The following SNX6 variants were observed in gnomAD, a reference collection of about 807,000 sequenced individuals.
The protein encoded by SNX6 is sorting nexin 6.
In SNX6, 34 loss-of-function variants were observed where a neutral mutation model predicts 63.0. The observed-to-expected ratio is 0.54, with a 90% CI of 0.41 to 0.72. The LOEUF (loss-of-function observed/expected upper bound fraction) is 0.72, where lower values mean the gene tolerates loss of function less well. SNX6 is among the 30% of genes least tolerant of loss of function. The pLI is 0.00. For missense variants in SNX6, 398 were observed against 471.4 expected (o/e 0.84, Z 1.44); for synonymous variants, 170 against 164.2 (o/e 1.04, Z -0.27).
At chr14:34,568,593 T>G (rs1400421947) in intron 11 of SNX6, 3 of 620,418 alleles carry the variant, frequency 4.8e-6, no homozygotes, top group Non-Finnish European at 8.8e-6. Flanking sequence ...TATTTCAGCC[T>G]GCTAAAGTGG....
At chr14:34,612,694 A>G (rs1213863641) in intron 2 of SNX6, among the ~76,000 whole-genome samples, 2 of 151,846 alleles carry the variant, frequency 1.3e-5, no homozygotes, top group South Asian at 4.2e-4. Context: ...TCAGCCTCCC[A>G]AAGTGTTGGG....
intron 8 of SNX6, 62 bp downstream of exon 8, chr14:34,592,983 T>C (rs1882457333): frequency 2.5e-6 from 3 of 1,188,878 alleles, no homozygotes; most frequent in Non-Finnish European, 3.6e-6. Flanking sequence ...TTTCAAACTA[T>C]AATATGAACT....
chr14:34,591,658 T>C (rs865882114), intron 8 of SNX6, among the ~76,000 whole-genome samples: 1 of 152,192 alleles, frequency 6.6e-6, no homozygotes, highest in Non-Finnish European at 1.5e-5. Context: ...CAGTATCTAT[T>C]GGGAAGTAAG....
rs757676452 is a variant in SNX6 at position 34,567,675 on chromosome 14, T to C, written c.1167+11A>G. ...GTAACTTAAATTATTAAATCTTTAT[T>C]ACAACACTACCTTTGCATGCTTCAG... On this transcript the variant is annotated intron_variant, in intron 13 of 13. Transcript: ENST00000362031. 5.0e-6 allele frequency: 8 copies of C among 1,600,584 alleles called. 1 individual carries two copies. Among genetic ancestry groups the C allele is most frequent in the South Asian group, 2.2e-5 (2 of 90,400 alleles).
Position 34,586,236 on chromosome 14 carries a change from A to G in SNX6, c.788T>C (p.Ile263Thr), listed in dbSNP as rs766087482. 2.2e-5 allele frequency: 35 copies of G among 1,594,806 alleles called. No homozygotes were observed. The highest frequency in any genetic ancestry group is 5.5e-5 in the South Asian group (5 of 90,506). Reference protein sequence around the residue: ...YALGTQDSTDICKFFLKVSEL... With the variant: ...YALGTQDSTDTCKFFLKVSEL... The stretch of plus-strand genomic sequence containing the variant: ...TTTAAATTAGAACACTTACTTGCAT[A>G]TATCTGTAGAATCCTGAGTTCCTAA... The change falls in exon 9 of 14, where the codon ATA becomes ACA. Residue 263 changes from isoleucine (I) to threonine (T), a missense_variant. By Grantham distance (89) the Ile-to-Thr change is moderately conservative. Coordinates refer to ENST00000362031, the MANE Select transcript of SNX6 (RefSeq NM_152233.4).
At position 34,567,903 on chromosome 14, in the gene SNX6, T is replaced by C. The variant is rs146496878; in HGVS notation, c.1032A>G (p.Gln344=). The C allele has an allele frequency of 5.0e-6, 8 of 1,613,974 alleles. No individual in the cohort carries two copies. Among genetic ancestry groups the C allele is most frequent in the Non-Finnish European group, 8.5e-7 (1 of 1,180,048 alleles). The part of the protein sequence containing the change: ...NKDVLQAETS[Q]QLCCQKFEKI... ...TTTCAAATTTCTGACAACATAATTGTTGGGAAGTTTCGGCCTGTAGAACAT... is the reference window on the plus strand; with the variant it reads ...TTTCAAATTTCTGACAACATAATTGCTGGGAAGTTTCGGCCTGTAGAACAT... The change falls in exon 12 of 14, where the codon CAA becomes CAG. Residue 344 remains glutamine (Q), a synonymous_variant. Coordinates refer to ENST00000362031, the MANE Select transcript of SNX6 (RefSeq NM_152233.4).
chr14:34,629,685 G>T, intron 2 of SNX6: 1 of 762,774 alleles, frequency 1.3e-6, no homozygotes, highest in Non-Finnish European at 2.2e-6. Flanking sequence ...ACAGCGGCGG[G>T]GGACAAGAAA....
rs1174380147 is a variant in SNX6 at position 34,630,121 on chromosome 14, G to A, written c.-5C>T. The stretch of plus-strand genomic sequence containing the variant: ...GCGGAGAACACCCACCATCATGGCT[G>A]CTCCGAGGCGAGGGCCGGCGCAGGC... On this transcript the variant is annotated 5_prime_UTR_variant, in exon 1 of 14. Coordinates refer to ENST00000362031, the MANE Select transcript of SNX6 (RefSeq NM_152233.4). 1.6e-5 allele frequency: 21 copies of A among 1,354,018 alleles called. No homozygotes were observed. Among genetic ancestry groups the A allele is most frequent in the Non-Finnish European group, 2.0e-5 (21 of 1,059,250 alleles). The allele number at this position is 1,354,018 out of a possible 1,614,324, so 83.9% of individuals were successfully genotyped here. A position where few individuals can be genotyped will look rare whatever the true frequency, so the allele number is the denominator to read the frequency against.
chr14:34,565,395 GA>G (rs1192114611), intron 13 of SNX6, among the ~76,000 whole-genome samples: 13 of 146,856 alleles, frequency 8.9e-5, no homozygotes, highest in South Asian at 2.1e-4. Context: ...CTACCTTAAA[GA>G]AAAAAAAAAC....
intron 8 of SNX6, 135 bp from the exon 9 acceptor site, chr14:34,586,440 C>CCA: frequency 2.2e-6 from 1 of 454,412 alleles, no homozygotes; most frequent in Non-Finnish European, 4.0e-6. Flanking sequence ...GGCATGGTGG[C>CCA]TCATGCCTGT....
At chr14:34,589,979 G>T (rs543190743) in intron 8 of SNX6, among the ~76,000 whole-genome samples, 1 of 152,088 alleles carries the variant, frequency 6.6e-6, no homozygotes, top group African/African-American at 2.4e-5. Flanking sequence ...AATTAGCCAC[G>T]CATGGTGGCG....
chr14:34,613,038 A>G (rs1883290020), intron 2 of SNX6, among the ~76,000 whole-genome samples: 1 of 99,930 alleles, frequency 1.0e-5, no homozygotes. Flanking sequence ...GTGAGACTCT[A>G]TCCAAAAAAA....
At chr14:34,581,837 T>C (rs557028885) in intron 9 of SNX6, among the ~76,000 whole-genome samples, 1 of 141,950 alleles carries the variant, frequency 7.0e-6, no homozygotes, top group East Asian at 1.9e-4. Flanking sequence ...TTGATTTTTG[T>C]TTTTTTTTGC....
At chr14:34,587,397 G>A (rs1882212966) in intron 8 of SNX6, among the ~76,000 whole-genome samples, 1 of 151,704 alleles carries the variant, frequency 6.6e-6, no homozygotes, top group African/African-American at 2.4e-5. Flanking sequence ...GCCGAGTGTG[G>A]TGGCAGGCAC....
chr14:34,564,885 A>C (rs1206546441), intron 13 of SNX6, among the ~76,000 whole-genome samples: 1 of 151,914 alleles, frequency 6.6e-6, no homozygotes, highest in Non-Finnish European at 1.5e-5. Flanking sequence ...CAATCTCTAG[A>C]AGGACTCAGC....
At chr14:34,568,803 C>T in intron 11 of SNX6, 1 of 1,007,216 alleles carries the variant, frequency 9.9e-7, no homozygotes, top group South Asian at 1.3e-5. Context: ...TTTTTAGCCC[C>T]TCCAGGGCTT....
intron 2 of SNX6, among the ~76,000 whole-genome samples, chr14:34,610,474 T>C (rs1375905677): frequency 1.3e-5 from 2 of 149,928 alleles, no homozygotes; most frequent in African/African-American, 4.9e-5. Flanking sequence ...TGAAGCACAA[T>C]AATAAGAAGA....
At chr14:34,602,732 T>C (rs979996254) in intron 6 of SNX6, among the ~76,000 whole-genome samples, 4 of 152,008 alleles carry the variant, frequency 2.6e-5, no homozygotes, top group African/African-American at 7.2e-5. Flanking sequence ...ATCCCAGCAC[T>C]TTGGGAGGCT....
chr14:34,626,490 TAA>T (rs61026659), intron 2 of SNX6, among the ~76,000 whole-genome samples: 14 of 130,838 alleles, frequency 1.1e-4, no homozygotes, highest in Admixed American at 2.4e-4. Flanking sequence ...CCGCCTCTAC[TAA>T]AAAAAAAAAA....
Sources: gnomAD v4.1 joint callset for allele counts (sites outside exome capture counted in the v4.1 genomes callset) on GRCh38, gnomAD v4.1.1 for gene constraint, MANE v1.5 for transcripts, NCBI Gene and HGNC (gene_info 2026-07-23, HGNC 2026-07-21) for gene names.